FAF1: variants seen among roughly 807,000 people sequenced by gnomAD.
FAF1 encodes the protein Fas associated factor 1, also known as FAS-associated factor 1.
Under a neutral mutation model 92.5 loss-of-function variants are expected in FAF1, and 25 were observed. The observed-to-expected ratio is 0.27, with a 90% CI of 0.20 to 0.38. The LOEUF (loss-of-function observed/expected upper bound fraction) is 0.38. FAF1 is among the 10% of genes least tolerant of loss of function. The pLI is 1.00. For synonymous variants in FAF1, 234 were observed against 273.2 expected (o/e 0.86, Z 1.42); for missense variants, 636 against 793.3 (o/e 0.80, Z 2.38).
At chr1:50,862,443 G>A (rs1448858199) in intron 1 of FAF1, among the ~76,000 whole-genome samples, 1 of 151,882 alleles carries the variant, frequency 6.6e-6, no homozygotes, top group African/African-American at 2.4e-5. Context: ...GTGGGCAGAG[G>A]AGAATAAAGA....
intron 12 of FAF1, among the ~76,000 whole-genome samples, chr1:50,575,885 G>A (rs1241449322): frequency 1.3e-5 from 2 of 152,198 alleles, no homozygotes; most frequent in Admixed American, 6.5e-5. Context: ...AAAAGACAAT[G>A]AGCAATGATG....
chr1:50,658,639 G>A (rs890210410), intron 7 of FAF1, among the ~76,000 whole-genome samples: 2 of 152,188 alleles, frequency 1.3e-5, no homozygotes, highest in Non-Finnish European at 2.9e-5. Context: ...GTTAGCCATT[G>A]CACAAGTATT....
intron 3 of FAF1, among the ~76,000 whole-genome samples, chr1:50,797,312 C>T (rs186494550): frequency 2.4e-4 from 36 of 152,302 alleles, no homozygotes; most frequent in African/African-American, 7.9e-4. Flanking sequence ...AAACCACCAT[C>T]TTATAATCTG....
chr1:50,617,565 G>T (rs547971092), intron 8 of FAF1, among the ~76,000 whole-genome samples: 1 of 152,048 alleles, frequency 6.6e-6, no homozygotes, highest in Non-Finnish European at 1.5e-5. Flanking sequence ...TTTTATTGAG[G>T]AGTTTTGCAT....
At chr1:50,907,618 G>A (rs1392189337) in intron 1 of FAF1, among the ~76,000 whole-genome samples, 1 of 152,138 alleles carries the variant, frequency 6.6e-6, no homozygotes, top group Non-Finnish European at 1.5e-5. Flanking sequence ...GAGGGTGCAT[G>A]TGTCAAGGAA....
chr1:50,521,499 G>C (rs1647497629), intron 15 of FAF1, among the ~76,000 whole-genome samples: 1 of 152,172 alleles, frequency 6.6e-6, no homozygotes, highest in Admixed American at 6.5e-5. Flanking sequence ...ATAGCCTCTT[G>C]AGAAGGCTTT....
chr1:50,774,081 T>C (rs1200420743), intron 4 of FAF1, among the ~76,000 whole-genome samples: 1 of 152,166 alleles, frequency 6.6e-6, no homozygotes, highest in Non-Finnish European at 1.5e-5. Flanking sequence ...AATAAATTAT[T>C]TGGGGAGTAC....
At chr1:50,885,295 T>TCTCTCTCTCTCTCTCTC (rs1644649703) in intron 1 of FAF1, among the ~76,000 whole-genome samples, 3 of 137,324 alleles carry the variant, frequency 2.2e-5, no homozygotes, top group South Asian at 4.4e-4. Flanking sequence ...CCGTGTCTCT[T>TCTCTCTCTCTCTCTCTC]TCTCTCTCTC....
chr1:50,708,475 A>G (rs1250583573), intron 6 of FAF1, among the ~76,000 whole-genome samples: 1 of 152,054 alleles, frequency 6.6e-6, no homozygotes, highest in African/African-American at 2.4e-5. Flanking sequence ...TTTCGTTCAA[A>G]GTTTGAGATG....
intron 4 of FAF1, among the ~76,000 whole-genome samples, chr1:50,780,003 C>CACACACACACACACACAT (rs1661111139): frequency 6.6e-6 from 1 of 151,814 alleles, no homozygotes; most frequent in African/African-American, 2.4e-5. Context: ...CACACACACA[C>CACACACACACACACACAT]ACACACACAC....
intron 15 of FAF1, among the ~76,000 whole-genome samples, chr1:50,512,991 T>G (rs1647156658): frequency 6.6e-6 from 1 of 152,138 alleles, no homozygotes; most frequent in African/African-American, 2.4e-5. Flanking sequence ...TGGGGACAGA[T>G]AGAGGAGGAA....
chr1:50,524,148 G>C (rs183641753), intron 15 of FAF1, among the ~76,000 whole-genome samples: 9 of 152,156 alleles, frequency 5.9e-5, no homozygotes. Flanking sequence ...AATGACCTGT[G>C]ATGCTGTGAT....
chr1:50,955,828 G>T (rs1016269673), intron 1 of FAF1, among the ~76,000 whole-genome samples: 1 of 152,080 alleles, frequency 6.6e-6, no homozygotes, highest in Non-Finnish European at 1.5e-5. Flanking sequence ...AAATCCTGAC[G>T]CATGCTAACA....
At position 50,553,406 on chromosome 1, in the gene FAF1, T is replaced by A. The variant is rs180876687; in HGVS notation, c.1268+13671A>T. On this transcript the variant is annotated intron_variant, in intron 13 of 18. Coordinates refer to ENST00000396153, the MANE Select transcript of FAF1 (RefSeq NM_007051.3). ...AGTAGAGATGATAAGGACTTAAGACTCATTTGTGGGTGATAAAACTTGTGA... is the reference window on the plus strand; with the variant it reads ...AGTAGAGATGATAAGGACTTAAGACACATTTGTGGGTGATAAAACTTGTGA... 6.6e-5 allele frequency among the ~76,000 whole-genome samples: 10 copies of A among 152,314 alleles called. No individual in the cohort carries two copies. In the East Asian group the frequency reaches 1.9e-3, roughly 29 times the overall value.
chr1:50,815,526 T>C (rs1643960571), intron 2 of FAF1, among the ~76,000 whole-genome samples: 1 of 152,248 alleles, frequency 6.6e-6, no homozygotes, highest in African/African-American at 2.4e-5. Context: ...GATGAACACA[T>C]TTTGGTAGAA....
chr1:50,651,819 C>A (rs1654877414), intron 8 of FAF1, among the ~76,000 whole-genome samples: 1 of 152,118 alleles, frequency 6.6e-6, no homozygotes, highest in Non-Finnish European at 1.5e-5. Context: ...AAAAACACCA[C>A]CGCCTGCAAC....
At chr1:50,892,487 G>A (rs112143246) in intron 1 of FAF1, among the ~76,000 whole-genome samples, 1,984 of 152,268 alleles carry the variant, frequency 0.013, 17 homozygotes, top group Middle Eastern at 0.051. Flanking sequence ...TCTTGGAACC[G>A]CCTCCCTTCA....
intron 7 of FAF1, 90 bp from the exon 8 acceptor site, chr1:50,655,618 T>C: frequency 2.6e-6 from 2 of 768,954 alleles, no homozygotes; most frequent in Non-Finnish European, 2.1e-6. Context: ...AGTGTATTTC[T>C]TGTTTTCTTC....
chr1:50,615,678 G>A (rs1291495182), intron 8 of FAF1, among the ~76,000 whole-genome samples: 1 of 152,028 alleles, frequency 6.6e-6, no homozygotes, highest in Non-Finnish European at 1.5e-5. Context: ...AGAAATGTCT[G>A]TTTATATCCT....
Sources: allele counts gnomAD v4.1 joint callset (sites outside exome capture counted in the v4.1 genomes callset), GRCh38; gene constraint gnomAD v4.1.1; transcripts MANE v1.5; gene names NCBI Gene and HGNC (gene_info 2026-07-23, HGNC 2026-07-21).